Variants in MBP observed in about 807,000 individuals in gnomAD.
The protein encoded by MBP is Golli-MBP.
In MBP, 16 loss-of-function variants were observed where a neutral mutation model predicts 35.8. That is an observed-to-expected ratio of 0.45 (90% CI 0.30 to 0.68). The LOEUF (loss-of-function observed/expected upper bound fraction) is 0.68, where lower values mean the gene tolerates loss of function less well. Ranked by LOEUF, MBP falls within the 30% of genes least tolerant of loss-of-function variation. The probability of loss-of-function intolerance (pLI) is 0.08; values close to 1 mark genes in which losing one functional copy is unlikely to be tolerated. For synonymous variants in MBP, 143 were observed against 159.6 expected (o/e 0.90, Z 0.78); for missense variants, 380 against 404.7 (o/e 0.94, Z 0.52).
intron 4 of MBP, among the ~76,000 whole-genome samples, chr18:76,998,682 A>C (rs470131): frequency 0.12 from 17,836 of 152,146 alleles, 1,172 homozygotes; most frequent in Middle Eastern, 0.2. Flanking sequence ...ACGTGCATTT[A>C]CATTTATGAG....
intron 3 of MBP, among the ~76,000 whole-genome samples, chr18:77,040,933 G>C (rs1410485230): frequency 7.2e-5 from 11 of 152,088 alleles, no homozygotes; most frequent in Non-Finnish European, 1.2e-4. Context: ...TGACAAATGG[G>C]ATCTAATTAA....
chr18:77,085,145 C>T (rs1281395684), intron 2 of MBP, among the ~76,000 whole-genome samples: 7 of 152,096 alleles, frequency 4.6e-5, no homozygotes, highest in Non-Finnish European at 7.4e-5. Context: ...ATGGAATACT[C>T]CAATCTTCTT....
chr18:77,081,314 T>C (rs1425429713), intron 2 of MBP, among the ~76,000 whole-genome samples: 4 of 152,072 alleles, frequency 2.6e-5, no homozygotes, highest in South Asian at 4.2e-4. Flanking sequence ...CTGACAAAGA[T>C]CATGTATCCA....
chr18:77,062,848 CT>C (rs1217456363), intron 3 of MBP, among the ~76,000 whole-genome samples: 3 of 152,228 alleles, frequency 2.0e-5, no homozygotes, highest in Admixed American at 2.0e-4. Context: ...ACACTATTGC[CT>C]TTCGACGTTC....
chr18:77,073,205 T>G (rs1323537115), intron 2 of MBP, among the ~76,000 whole-genome samples: 2 of 152,162 alleles, frequency 1.3e-5, no homozygotes, highest in Non-Finnish European at 2.9e-5. Context: ...CTTTAAATTT[T>G]TATAAGTATT....
chr18:77,103,845 C>T (rs1976146165), intron 2 of MBP, among the ~76,000 whole-genome samples: 1 of 152,212 alleles, frequency 6.6e-6, no homozygotes, highest in Admixed American at 6.5e-5. Flanking sequence ...ATTCAGGGCA[C>T]TACAGGGGAA....
At chr18:77,014,340 C>A (rs907638104) in intron 4 of MBP, 13 of 985,328 alleles carry the variant, frequency 1.3e-5, no homozygotes, top group Admixed American at 6.2e-5. Flanking sequence ...GGACAAACAG[C>A]CCCTTTTATA....
At chr18:77,106,156 A>G (rs957400643) in intron 1 of MBP, among the ~76,000 whole-genome samples, 4 of 152,238 alleles carry the variant, frequency 2.6e-5, no homozygotes, top group African/African-American at 7.2e-5. Flanking sequence ...ATTCTCCTGT[A>G]GAACCCAGGA....
chr18:77,114,920 C>G (rs1171229136), intron 1 of MBP: 8 of 152,426 alleles, frequency 5.2e-5, no homozygotes, highest in African/African-American at 1.9e-4. Context: ...TGGGCGAGGG[C>G]CTTCCTATTC....
chr18:77,055,508 T>TCTTTCCTTC (rs1025421660), intron 3 of MBP, among the ~76,000 whole-genome samples: 3 of 152,162 alleles, frequency 2.0e-5, no homozygotes, highest in Non-Finnish European at 4.4e-5. Flanking sequence ...CTTTTTCCTT[T>TCTTTCCTTC]CTTTCCTTCC....
chr18:77,078,033 G>A (rs958949652), intron 2 of MBP, among the ~76,000 whole-genome samples: 3 of 152,264 alleles, frequency 2.0e-5, no homozygotes, highest in South Asian at 2.1e-4. Context: ...GCAGACCCAC[G>A]TGCCCGCCAT....
chr18:77,040,390 A>T (rs145541142), intron 3 of MBP, among the ~76,000 whole-genome samples: 9,286 of 152,282 alleles, frequency 0.061, 317 homozygotes, highest in Middle Eastern at 0.099. Flanking sequence ...CATCCCCATC[A>T]AGCTACCAAT....
At chr18:77,012,186 C>A (rs1325268616) in intron 4 of MBP, among the ~76,000 whole-genome samples, 1 of 152,238 alleles carries the variant, frequency 6.6e-6, no homozygotes, top group Non-Finnish European at 1.5e-5. Flanking sequence ...AGCTTCATCT[C>A]ATACACTCAT....
At chr18:77,075,131 G>A (rs1052294422) in intron 2 of MBP, among the ~76,000 whole-genome samples, 6 of 152,212 alleles carry the variant, frequency 3.9e-5, no homozygotes, top group Non-Finnish European at 5.9e-5. Context: ...TTCTGTCACG[G>A]CAGGTGGAAT....
At chr18:77,110,996 C>T (rs1189254327) in intron 1 of MBP, among the ~76,000 whole-genome samples, 3 of 152,078 alleles carry the variant, frequency 2.0e-5, no homozygotes, top group African/African-American at 4.8e-5. Flanking sequence ...TTGGAGTCTT[C>T]GCGGTGTACG....
chr18:77,068,811 C>T (rs564720604), intron 2 of MBP, among the ~76,000 whole-genome samples: 1 of 152,228 alleles, frequency 6.6e-6, no homozygotes, highest in Non-Finnish European at 1.5e-5. Context: ...CTTTTTAACA[C>T]AAGTAGAAAA....
At chr18:77,104,607 T>C (rs1308294548) in intron 2 of MBP, among the ~76,000 whole-genome samples, 1 of 152,214 alleles carries the variant, frequency 6.6e-6, no homozygotes, top group Non-Finnish European at 1.5e-5. Flanking sequence ...AATTAGGTTT[T>C]TGAGCTAAAA....
intron 2 of MBP, among the ~76,000 whole-genome samples, chr18:77,104,355 T>C (rs1419908626): frequency 6.6e-6 from 1 of 152,142 alleles, no homozygotes; most frequent in Non-Finnish European, 1.5e-5. Context: ...GAGATTCCAA[T>C]ATGCAGGCAG....
At chr18:76,986,915 C>T (rs985448877) in intron 7 of MBP, 3 of 985,326 alleles carry the variant, frequency 3.0e-6, no homozygotes, top group African/African-American at 3.5e-5. Flanking sequence ...CCAGGAAACA[C>T]ACAACACAGC....
Sources: allele counts gnomAD v4.1 joint callset (sites outside exome capture counted in the v4.1 genomes callset), GRCh38; gene constraint gnomAD v4.1.1; transcripts MANE v1.5; gene names NCBI Gene and HGNC (gene_info 2026-07-23, HGNC 2026-07-21).